The following MRM1 variants were observed in gnomAD, a reference collection of about 807,000 sequenced individuals.
MRM1 encodes the protein mitochondrial rRNA methyltransferase 1.
A neutral mutation model predicts 25.0 loss-of-function variants in MRM1; 24 were observed. The ratio of observed to expected loss-of-function variants is 0.96; its 90% CI spans 0.69 to 1.35. MRM1 has a LOEUF of 1.35. Among genes scored for constraint, MRM1 ranks in the 40% most tolerant of loss-of-function variants. The probability of loss-of-function intolerance (pLI) is 0.00; values close to 1 mark genes in which losing one functional copy is unlikely to be tolerated. For missense variants in MRM1, 431 were observed against 464.1 expected (o/e 0.93, Z 0.65); for synonymous variants, 188 against 199.2 (o/e 0.94, Z 0.47).
At chr17:36,618,421 G>A in the MRM1 span, among the ~76,000 whole-genome samples, 45 of 152,246 alleles carry the variant, frequency 3.0e-4, no homozygotes, top group South Asian at 2.1e-4. Context: ...CGTGGTTGGG[G>A]GAGGGCACAA....
chr17:36,607,784 C>T lies in MRM1; in HGVS notation c.751C>T (p.Pro251Ser). ...MSCLEFLWER[P>S]TLLVLGNEGS... is the part of the protein sequence containing the mutation. ...TTGCTTGGAGTTCCTCTGGGAACGG[C>T]CTACTCTCCTTGTGCTGGGTAGGTG... Residue 251 changes from proline to serine, a missense_variant, in exon 3 of 5, where the codon CCT (proline) becomes TCT (serine). Transcript: ENST00000614766. The T allele has an allele frequency of 6.2e-7, 1 of 1,614,120 alleles. No homozygotes were observed. The highest frequency in any genetic ancestry group is 2.2e-5 in the East Asian group (1 of 44,864).
At chr17:36,614,575 C>T in the MRM1 span, among the ~76,000 whole-genome samples, 1 of 152,134 alleles carries the variant, frequency 6.6e-6, no homozygotes, top group East Asian at 1.9e-4. Context: ...CCCAACATGG[C>T]CACTTTCCCT....
the MRM1 span, among the ~76,000 whole-genome samples, chr17:36,629,276 G>T: frequency 6.6e-6 from 1 of 152,176 alleles, no homozygotes; most frequent in Admixed American, 6.5e-5. Context: ...GGATTCTAGG[G>T]TCTCTCCCAT....
the MRM1 span, among the ~76,000 whole-genome samples, chr17:36,615,919 G>A: frequency 1.3e-5 from 2 of 151,986 alleles, no homozygotes; most frequent in Non-Finnish European, 2.9e-5. Context: ...CTTGAACCTG[G>A]GAGGCAGAGG....
At chr17:36,609,759 T>C (rs906258848), downstream of MRM1, among the ~76,000 whole-genome samples, 1 of 152,228 alleles carries the variant, frequency 6.6e-6, no homozygotes, top group African/African-American at 2.4e-5. Context: ...TAATCCTACC[T>C]TCCTGGATTG....
chr17:36,605,793 A>T (rs567578921), intron 2 of MRM1, among the ~76,000 whole-genome samples: 1 of 151,718 alleles, frequency 6.6e-6, no homozygotes, highest in African/African-American at 2.4e-5. Flanking sequence ...TATTATCACC[A>T]TTTCTGCCTG....
chr17:36,612,276 A>T (rs1252522779), downstream of MRM1, among the ~76,000 whole-genome samples: 2 of 152,202 alleles, frequency 1.3e-5, no homozygotes, highest in Non-Finnish European at 2.9e-5. Flanking sequence ...CCTGGGCAGC[A>T]GGCTGGCTGG....
downstream of MRM1, among the ~76,000 whole-genome samples, chr17:36,613,606 T>C (rs2074990040): frequency 6.6e-6 from 1 of 152,146 alleles, no homozygotes; most frequent in South Asian, 2.1e-4. Flanking sequence ...TGGCCCCTTC[T>C]CAGTGTACAC....
the MRM1 span, among the ~76,000 whole-genome samples, chr17:36,620,906 G>A: frequency 1.2e-4 from 19 of 152,304 alleles, no homozygotes; most frequent in Admixed American, 1.2e-3. Flanking sequence ...TGCCTCCATC[G>A]CCTGCCAGGT....
At chr17:36,614,420 C>T in the MRM1 span, among the ~76,000 whole-genome samples, 8 of 152,196 alleles carry the variant, frequency 5.3e-5, no homozygotes, top group Non-Finnish European at 2.9e-5. Flanking sequence ...TTATGTTGGC[C>T]GCTGACCAGA....
chr17:36,625,848 G>T, the MRM1 span, among the ~76,000 whole-genome samples: 1 of 152,010 alleles, frequency 6.6e-6, no homozygotes, highest in Non-Finnish European at 1.5e-5. Context: ...ACAATCTGTA[G>T]GCTTTTATTG....
At chr17:36,612,534 G>A (rs775076699), downstream of MRM1, among the ~76,000 whole-genome samples, 1 of 152,206 alleles carries the variant, frequency 6.6e-6, no homozygotes, top group African/African-American at 2.4e-5. Flanking sequence ...GGGAGCTGGG[G>A]AGGCTGTGGC....
chr17:36,634,661 C>G, the MRM1 span: 1 of 152,212 alleles, frequency 6.6e-6, no homozygotes, highest in Non-Finnish European at 1.5e-5. Context: ...TGTCTAATTT[C>G]TTGCTATAAT....
the MRM1 span, among the ~76,000 whole-genome samples, chr17:36,626,978 A>G: frequency 6.6e-6 from 1 of 152,304 alleles, no homozygotes; most frequent in South Asian, 2.1e-4. Flanking sequence ...AAATCCCCAC[A>G]TGCTGCGCAT....
chr17:36,604,800 CAA>C (rs1237677949), intron 2 of MRM1, among the ~76,000 whole-genome samples: 6 of 132,410 alleles, frequency 4.5e-5, no homozygotes, highest in Admixed American at 3.8e-4. Context: ...AGTGACGTGT[CAA>C]AAAAAAAAAA....
intron 2 of MRM1, chr17:36,603,171 C>G (rs1299025112): frequency 6.4e-5 from 63 of 984,102 alleles, no homozygotes; most frequent in South Asian, 1.9e-4. Context: ...GACCATACCC[C>G]CCCCAACCCC....
chr17:36,624,151 C>T, the MRM1 span, among the ~76,000 whole-genome samples: 46 of 152,208 alleles, frequency 3.0e-4, 1 homozygote, highest in Non-Finnish European at 4.4e-5. This position sits in a 1 kb window ranked among gnomAD's most constrained non-coding sequence, Gnocchi z 4.0. Context: ...CTGTCTCTCA[C>T]CCTGTCTCTG....
At chr17:36,626,061 C>A in the MRM1 span, among the ~76,000 whole-genome samples, 1 of 151,856 alleles carries the variant, frequency 6.6e-6, no homozygotes, top group Non-Finnish European at 1.5e-5. Flanking sequence ...GGTGCGTCCA[C>A]CAGAGGGCGA....
At chr17:36,616,895 G>A in the MRM1 span, among the ~76,000 whole-genome samples, 2 of 152,014 alleles carry the variant, frequency 1.3e-5, no homozygotes, top group African/African-American at 2.4e-5. Flanking sequence ...GATTAAAAAC[G>A]TTTTTGTTGT....
Sources: allele counts gnomAD v4.1 joint callset (sites outside exome capture counted in the v4.1 genomes callset), GRCh38; gene constraint gnomAD v4.1.1; non-coding constraint Gnocchi (gnomAD v3.1); transcripts MANE v1.5; gene names NCBI Gene and HGNC (gene_info 2026-07-23, HGNC 2026-07-21).